LYPD8: variants seen among roughly 807,000 people sequenced by gnomAD.
LYPD8 encodes the protein ly6/PLAUR domain-containing protein 8.
Under a neutral mutation model 1.7 loss-of-function variants are expected in LYPD8, and 8 were observed. The observed-to-expected ratio is 4.58, with a 90% CI of 2.69 to 8.27. LYPD8 has a LOEUF of 8.27. Ranked by LOEUF, LYPD8 falls within the 30% of genes most tolerant of loss-of-function variation. The pLI is 0.00. For synonymous variants in LYPD8, 50 were observed against 43.6 expected, an observed-to-expected ratio of 1.15 and a Z score of -0.58; for missense variants, 112 against 102.3, an observed-to-expected ratio of 1.09 and a Z score of -0.41.
chr1:248,755,608 G>C (rs1662908315), intron 1 of LYPD8, 97 bp downstream of exon 1: 2 of 152,328 alleles, frequency 1.3e-5, no homozygotes, highest in South Asian at 4.1e-4. Context: ...AGAATGTCCT[G>C]GACTTGGCCG....
At chr1:248,752,736 ACACACACCACACACCC>A (rs1662825951) in intron 2 of LYPD8, among the ~76,000 whole-genome samples, 2 of 110,320 alleles carry the variant, frequency 1.8e-5, no homozygotes, top group South Asian at 3.2e-4. Context: ...CACACACATC[ACACACACCACACACCC>A]CACACACACC....
Position 248,750,611 on chromosome 1 carries a change from C to G in LYPD8, c.85G>C (p.Glu29Gln). ...SLSCVQCNSW[E>Q]KSCVNSIASE... ...GCAATGCTGTTGACACAGGATTTTT[C>G]CCATGAATTACACTGCACGCAGCTC... Residue 29 changes from glutamate (E) to glutamine (Q), a missense_variant, in exon 4 of 7, where the codon GAA (glutamate) becomes CAA (glutamine). Transcript: ENST00000590317. 2.5e-6 allele frequency: 1 copy of G among 398,608 alleles called. No homozygotes were observed. Among genetic ancestry groups the G allele is most frequent in the Non-Finnish European group, 4.4e-6 (1 of 226,072 alleles). 24.7% of individuals were successfully genotyped at this position (398,608 alleles called of 1,614,324 possible).
intron 2 of LYPD8, among the ~76,000 whole-genome samples, chr1:248,753,232 ACACC>A (rs1662855716): frequency 9.8e-6 from 1 of 101,610 alleles, no homozygotes; most frequent in Non-Finnish European, 2.0e-5. Context: ...CCACACACAC[ACACC>A]ACACACCCCA....
chr1:248,742,601 G>A (rs1210704950), intron 6 of LYPD8, among the ~76,000 whole-genome samples: 32 of 92,576 alleles, frequency 3.5e-4, no homozygotes, highest in Non-Finnish European at 1.3e-4. Flanking sequence ...GTTGGCAGTC[G>A]GGGGAGATTA....
intron 2 of LYPD8, among the ~76,000 whole-genome samples, chr1:248,753,274 C>CA (rs1662857890): frequency 9.6e-6 from 1 of 103,920 alleles, no homozygotes. Context: ...CACACACACA[C>CA]CACACAACAC....
At chr1:248,741,215 G>T (rs1572151738) in intron 6 of LYPD8, among the ~76,000 whole-genome samples, 1 of 152,150 alleles carries the variant, frequency 6.6e-6, no homozygotes, top group Non-Finnish European at 1.5e-5. Flanking sequence ...GAAGTTTTTT[G>T]TTTTGTTTTG....
intron 2 of LYPD8, among the ~76,000 whole-genome samples, chr1:248,754,471 ACACACACAT>A (rs1443587341): frequency 6.7e-6 from 1 of 148,858 alleles, no homozygotes; most frequent in African/African-American, 2.5e-5. Flanking sequence ...ACACCATATC[ACACACACAT>A]CACACACACC....
intron 2 of LYPD8, among the ~76,000 whole-genome samples, chr1:248,753,206 C>G (rs1662853846): frequency 1.8e-5 from 2 of 112,670 alleles, no homozygotes; most frequent in South Asian, 6.0e-4. Context: ...ACACCCCACA[C>G]AACACACACA....
At position 248,739,743 on chromosome 1, in the gene LYPD8, T is replaced by C; in HGVS notation, c.582A>G (p.Arg194=). 1 of 1,551,644 alleles carries C rather than the reference T, an allele frequency of 6.4e-7. No individual in the cohort carries two copies. The highest frequency in any genetic ancestry group is 1.2e-5 in the South Asian group (1 of 84,058). ...ENKTLGGVIF[R]KFECANVNSL... Reference sequence around the variant, plus strand: ...TGTTTACATTTGCACACTCAAACTTTCGAAAGATGACTCCTCCAAGAGTCT... The same window carrying C: ...TGTTTACATTTGCACACTCAAACTTCCGAAAGATGACTCCTCCAAGAGTCT... The change falls in exon 7 of 7, where the codon CGA becomes CGG. Residue 194 remains arginine (R), a synonymous_variant. Coordinates refer to ENST00000590317, the MANE Select transcript of LYPD8 (RefSeq NM_001085474.2). The surrounding 1 kb of genome is among the most constrained non-coding windows in gnomAD (Gnocchi z 4.3).
intron 2 of LYPD8, among the ~76,000 whole-genome samples, chr1:248,754,807 C>T (rs1030157434): frequency 1.3e-4 from 20 of 152,070 alleles, no homozygotes; most frequent in African/African-American, 3.9e-4. Flanking sequence ...AGCAGACGTG[C>T]GCCAGCCCCT....
rs1662872342 is a variant in LYPD8 at position 248,753,605 on chromosome 1, AC to A, written c.-50+1633del. On this transcript the variant is annotated intron_variant, in intron 2 of 6. Transcript: ENST00000590317. ...ACAACACACACAACACAACACACACACCACACACCCCACACAACACACACAA... is the reference window on the plus strand; with the variant it reads ...ACAACACACACAACACAACACACACACACACACCCCACACAACACACACAA... Among the ~76,000 whole-genome samples, 239 of 121,340 alleles carry A rather than the reference AC, an allele frequency of 2.0e-3. 16 individuals are homozygous for A. The highest frequency in any genetic ancestry group is 5.0e-3 in the East Asian group (15 of 3,026). 79.6% of individuals were successfully genotyped at this position (121,340 alleles called of 152,430 possible).
intron 4 of LYPD8, 75 bp downstream of exon 4, chr1:248,750,449 C>G (rs980112397): frequency 2.5e-6 from 1 of 397,742 alleles, no homozygotes; most frequent in Non-Finnish European, 4.4e-6. Context: ...CCTTTCTTTC[C>G]TGCCTGGATG....
rs782442637 is a variant in LYPD8, at chr1:248,739,680, G to A, written c.645C>T (p.Asn215=). The change falls in exon 7 of 7, where the codon AAC becomes AAT. Residue 215 remains asparagine, a synonymous_variant. Transcript: ENST00000590317. The surrounding 1 kb of genome is among the most constrained non-coding windows in gnomAD (Gnocchi z 4.3). ...TPTSAPTTSH[N]VGSKASLYLL... is the part of the protein sequence containing the mutation. ...GGTAGAGGGAAGCTTTGGAGCCCAC[G>A]TTGTGGGAAGTGGTTGGTGCAGACG... is the stretch of plus-strand genomic sequence containing the variant. 44 of 1,551,746 alleles carry A rather than the reference G, an allele frequency of 2.8e-5. 1 individual carries two copies. Among genetic ancestry groups the A allele is most frequent in the Admixed American group, 7.8e-5 (4 of 51,010 alleles).
intron 2 of LYPD8, among the ~76,000 whole-genome samples, chr1:248,753,308 C>T (rs1310199989): frequency 5.9e-5 from 7 of 119,006 alleles, no homozygotes; most frequent in African/African-American, 3.6e-5. Context: ...ACACCACACA[C>T]CCCACACAAC....
At chr1:248,754,444 TCAAA>T (rs1404458547) in intron 2 of LYPD8, among the ~76,000 whole-genome samples, 12 of 140,014 alleles carry the variant, frequency 8.6e-5, no homozygotes, top group South Asian at 2.3e-4. Flanking sequence ...CTCACACACG[TCAAA>T]CAAACCCCAC....
At chr1:248,753,331 ACACACAC>A (rs1662861701) in intron 2 of LYPD8, among the ~76,000 whole-genome samples, 2 of 96,734 alleles carry the variant, frequency 2.1e-5, no homozygotes, top group Non-Finnish European at 4.2e-5. Context: ...ACAACACATC[ACACACAC>A]CACACACACC....
chr1:248,749,409 A>G (rs1662761072), intron 4 of LYPD8, among the ~76,000 whole-genome samples: 1 of 152,232 alleles, frequency 6.6e-6, no homozygotes, highest in Non-Finnish European at 1.5e-5. Context: ...GTCTTAGTTC[A>G]TTTTGTGTTG....
chr1:248,745,744 A>G (rs1313288364), intron 5 of LYPD8, among the ~76,000 whole-genome samples: 2 of 152,178 alleles, frequency 1.3e-5, no homozygotes, highest in African/African-American at 4.8e-5. Context: ...ATGGCCAATA[A>G]ACTTTGCCTT....
At chr1:248,753,488 TCA>T (rs1662866927) in intron 2 of LYPD8, among the ~76,000 whole-genome samples, 1 of 50,670 alleles carries the variant, frequency 2.0e-5, no homozygotes, top group Non-Finnish European at 3.6e-5. Context: ...CACACACACA[TCA>T]CACAACACAC....
Sources: gnomAD v4.1 joint callset for allele counts (sites outside exome capture counted in the v4.1 genomes callset) on GRCh38, gnomAD v4.1.1 for gene constraint, Gnocchi (gnomAD v3.1) non-coding constraint, MANE v1.5 for transcripts, NCBI Gene and HGNC (gene_info 2026-07-23, HGNC 2026-07-21) for gene names.